SPTBN1: variants seen among roughly 807,000 people sequenced by gnomAD.
The protein encoded by SPTBN1 is spectrin beta chain, non-erythrocytic 1.
In SPTBN1, 32 loss-of-function variants were observed where a neutral mutation model predicts 266.4. The ratio of observed to expected loss-of-function variants is 0.12; its 90% CI spans 0.09 to 0.16. The LOEUF (loss-of-function observed/expected upper bound fraction) is 0.16. SPTBN1 is among the 10% of genes least tolerant of loss of function. The probability of loss-of-function intolerance (pLI) is 1.00; values close to 1 mark genes in which losing one functional copy is unlikely to be tolerated. For synonymous variants in SPTBN1, 1,336 were observed against 1,162.2 expected (o/e 1.15, Z -3.04); for missense variants, 2,296 against 3,067.1 (o/e 0.75, Z 5.94).
chr2:54,529,623 A>G (rs993438383), intron 2 of SPTBN1: 2 of 722,254 alleles, frequency 2.8e-6, no homozygotes, highest in South Asian at 1.3e-5. Context: ...ATAAAAGACA[A>G]CAACACCCTT....
chr2:54,607,965 T>C (rs1256842988), intron 3 of SPTBN1, among the ~76,000 whole-genome samples: 1 of 152,186 alleles, frequency 6.6e-6, no homozygotes, highest in East Asian at 1.9e-4. Flanking sequence ...CTTTCAGACG[T>C]TTTCCGTACA....
chr2:54,569,028 T>C (rs975714739), intron 2 of SPTBN1, among the ~76,000 whole-genome samples: 6 of 152,248 alleles, frequency 3.9e-5, no homozygotes, highest in African/African-American at 1.2e-4. Context: ...ATTTGAAGTA[T>C]GTGAAATATC....
intron 1 of SPTBN1, among the ~76,000 whole-genome samples, chr2:54,514,513 G>T (rs1670014588): frequency 6.6e-6 from 1 of 152,170 alleles, no homozygotes; most frequent in Non-Finnish European, 1.5e-5. Flanking sequence ...ATTGAGAATG[G>T]AGGTTCATAA....
At chr2:54,563,116 C>G (rs1163960837) in intron 2 of SPTBN1, among the ~76,000 whole-genome samples, 1 of 152,092 alleles carries the variant, frequency 6.6e-6, no homozygotes, top group African/African-American at 2.4e-5. Context: ...GTAACTTTCT[C>G]CTTTCAGACT....
intron 1 of SPTBN1, among the ~76,000 whole-genome samples, chr2:54,497,150 C>G (rs1368239419): frequency 6.6e-6 from 1 of 152,178 alleles, no homozygotes; most frequent in Non-Finnish European, 1.5e-5. Context: ...TGGCTTCCTT[C>G]TTTTTTACCG....
intron 1 of SPTBN1, among the ~76,000 whole-genome samples, chr2:54,485,033 G>C (rs1231108176): frequency 6.6e-6 from 1 of 152,210 alleles, no homozygotes; most frequent in African/African-American, 2.4e-5. Context: ...ATCACACAGT[G>C]TGTAGACCAT....
intron 2 of SPTBN1, among the ~76,000 whole-genome samples, chr2:54,560,687 C>T (rs577754725): frequency 6.6e-6 from 1 of 152,282 alleles, no homozygotes; most frequent in Admixed American, 6.5e-5. Flanking sequence ...TGACCCTTGT[C>T]TCCTAATTTA....
chr2:54,592,781 A>G (rs1000671491), intron 2 of SPTBN1, among the ~76,000 whole-genome samples: 1 of 152,130 alleles, frequency 6.6e-6, no homozygotes, highest in East Asian at 1.9e-4. Flanking sequence ...AGTATATGAC[A>G]GGAGAAGGTG....
intron 16 of SPTBN1, among the ~76,000 whole-genome samples, chr2:54,632,183 T>G (rs959059557): frequency 2.0e-5 from 3 of 150,350 alleles, no homozygotes; most frequent in African/African-American, 7.4e-5. Flanking sequence ...GGACACAAAG[T>G]AGAGATTAGA....
intron 2 of SPTBN1, among the ~76,000 whole-genome samples, chr2:54,576,781 G>T: frequency 6.6e-6 from 1 of 152,340 alleles, no homozygotes; most frequent in East Asian, 1.9e-4. Context: ...GAGCACACTG[G>T]AAACACAGGT....
intron 2 of SPTBN1, among the ~76,000 whole-genome samples, chr2:54,561,893 C>T (rs1163957642): frequency 6.7e-6 from 1 of 150,252 alleles, no homozygotes; most frequent in African/African-American, 2.4e-5. Context: ...AAAAAAACCT[C>T]ATTGAGATAC....
chr2:54,503,758 A>C (rs1669400355), intron 1 of SPTBN1, among the ~76,000 whole-genome samples: 1 of 152,138 alleles, frequency 6.6e-6, no homozygotes, highest in Non-Finnish European at 1.5e-5. Context: ...ATACATAACT[A>C]TTCATCCCTC....
chr2:54,630,931 C>T lies in SPTBN1; in HGVS notation c.2884C>T (p.Leu962Phe). 1.2e-6 allele frequency: 2 copies of T among 1,614,024 alleles called. No homozygotes were observed. Among genetic ancestry groups the T allele is most frequent in the East Asian group, 2.2e-5 (1 of 44,882 alleles). The part of the protein sequence containing the change: ...LSALSIQNYH[L>F]ECNETKSWIR... ...TGCCCTGAGCATCCAGAACTACCAC[C>T]TCGAGTGCAATGAAACCAAATCCTG... is the stretch of plus-strand genomic sequence containing the variant. The change falls in exon 16 of 36, where the codon CTC becomes TTC. Residue 962 changes from leucine to phenylalanine, a missense_variant. Physicochemically the swap from Leu to Phe is conservative, Grantham distance 22. Around this residue, in one of 12 missense-constraint regions of SPTBN1, gnomAD observed 128 missense variants for 176.5 expected, o/e 0.73. Coordinates refer to ENST00000356805, the MANE Select transcript of SPTBN1 (RefSeq NM_003128.3).
chr2:54,659,826 A>G (rs1558479992), intron 31 of SPTBN1, 110 bp from the exon 32 acceptor site: 10 of 1,464,684 alleles, frequency 6.8e-6, no homozygotes, highest in Non-Finnish European at 5.4e-6. Context: ...ATTATGTGAA[A>G]AGGTTGCACG....
chr2:54,657,198 CAG>C (rs1178758133), intron 29 of SPTBN1, among the ~76,000 whole-genome samples: 4 of 152,356 alleles, frequency 2.6e-5, no homozygotes, highest in Admixed American at 6.5e-5. Flanking sequence ...CAGAATGAAA[CAG>C]AGCAAAAGCC....
At chr2:54,560,449 G>T (rs1346316672) in intron 2 of SPTBN1, among the ~76,000 whole-genome samples, 1 of 152,172 alleles carries the variant, frequency 6.6e-6, no homozygotes, top group East Asian at 1.9e-4. Context: ...ACAAAAGGCT[G>T]TTATTCCGAA....
intron 3 of SPTBN1, among the ~76,000 whole-genome samples, chr2:54,604,567 T>C (rs1676712073): frequency 6.6e-6 from 1 of 152,174 alleles, no homozygotes; most frequent in Non-Finnish European, 1.5e-5. Context: ...TGCGAAGGAA[T>C]TGCCCAAGGC....
intron 8 of SPTBN1, 25 bp downstream of exon 8, chr2:54,621,537 T>C (rs756174171): frequency 6.3e-7 from 1 of 1,580,580 alleles, no homozygotes; most frequent in Admixed American, 1.7e-5. Context: ...ATTTTGTGAG[T>C]TGTGAGACAT....
chr2:54,539,594 C>T (rs1006655742), intron 2 of SPTBN1, among the ~76,000 whole-genome samples: 3 of 152,120 alleles, frequency 2.0e-5, no homozygotes, highest in Non-Finnish European at 4.4e-5. Flanking sequence ...GACTGGAGTG[C>T]AGTGGTGCGA....
Sources: gnomAD v4.1 joint callset for allele counts (sites outside exome capture counted in the v4.1 genomes callset) on GRCh38, gnomAD v4.1.1 for gene constraint, gnomAD v4.1.1 regional missense constraint, MANE v1.5 for transcripts, NCBI Gene and HGNC (gene_info 2026-07-23, HGNC 2026-07-21) for gene names.